The following CLDND2 variants were observed in gnomAD, a reference collection of about 807,000 sequenced individuals.
The protein encoded by CLDND2 is claudin domain-containing protein 2.
A neutral mutation model predicts 17.7 loss-of-function variants in CLDND2; 18 were observed. The ratio of observed to expected loss-of-function variants is 1.02; its 90% CI spans 0.70 to 1.51. CLDND2 has a LOEUF of 1.51. CLDND2 is among the 40% of genes most tolerant of loss of function. CLDND2 has a pLI of 0.00. For synonymous variants in CLDND2, 113 were observed against 93.0 expected, an observed-to-expected ratio of 1.22 and a Z score of -1.24; for missense variants, 233 against 219.6, an observed-to-expected ratio of 1.06 and a Z score of -0.39.
In CLDND2 at chr19:51,367,866, G is replaced by A. The variant is rs768649372; in HGVS notation, c.310+20C>T. 6.2e-6 allele frequency: 10 copies of A among 1,606,620 alleles called. No individual in the cohort carries two copies. The highest frequency in any genetic ancestry group is 8.5e-6 in the Non-Finnish European group (10 of 1,178,972). On this transcript the variant is annotated intron_variant, in intron 2 of 3. Coordinates refer to ENST00000291715, the MANE Select transcript of CLDND2 (RefSeq NM_152353.3). This position sits in a 1 kb window ranked among gnomAD's most constrained non-coding sequence, Gnocchi z 7.4. ...AGGGCCCGCCCCTGCCTGCCCGCCTGGGGCGGTCTGCAGTCTCACCGCCGA... is the reference window on the plus strand; with the variant it reads ...AGGGCCCGCCCCTGCCTGCCCGCCTAGGGCGGTCTGCAGTCTCACCGCCGA...
downstream of CLDND2, chr19:51,367,074 C>A: frequency 6.6e-7 from 1 of 1,517,554 alleles, no homozygotes. The surrounding 1 kb of genome is among the most constrained non-coding windows in gnomAD (Gnocchi z 7.4). Flanking sequence ...CCACGACCCG[C>A]AGAAAAGCAC....
chr19:51,367,392 G>C lies in CLDND2; in HGVS notation c.430+65C>G, dbSNP rs1986439991. 2 of 1,500,376 alleles carry C rather than the reference G, an allele frequency of 1.3e-6. No individual in the cohort carries two copies. Among genetic ancestry groups the C allele is most frequent in the Non-Finnish European group, 1.8e-6 (2 of 1,096,204 alleles). 92.9% of individuals were successfully genotyped at this position (1,500,376 alleles called of 1,614,324 possible). On this transcript the variant is annotated intron_variant, in intron 3 of 3. Coordinates refer to ENST00000291715, the MANE Select transcript of CLDND2 (RefSeq NM_152353.3). The surrounding 1 kb of genome is among the most constrained non-coding windows in gnomAD (Gnocchi z 7.4). ...CCGGGGTTTCCTGGGAGGGCAGCTG[G>C]GGAGCCTCTGGGGTGAGGGTCTTCT...
Position 51,367,920 on chromosome 19 carries a change from C to T in CLDND2, c.276G>A (p.Arg92=). 1 of 1,612,784 alleles carries T rather than the reference C, an allele frequency of 6.2e-7. No homozygotes were observed. Among genetic ancestry groups the T allele is most frequent in the Non-Finnish European group, 8.5e-7 (1 of 1,179,778 alleles). ...RIRCDEGESL[R]GQTTSAFLFL... ...AGAGGAAGGCGCTCGTGGTCTGGCC[C>T]CGCAGCGACTCGCCCTCGTCGCACC... The change falls in exon 2 of 4, where the codon CGG becomes CGA. Residue 92 remains arginine (R), a synonymous_variant. Transcript: ENST00000291715. The surrounding 1 kb of genome is among the most constrained non-coding windows in gnomAD (Gnocchi z 7.4).
In CLDND2 at chr19:51,367,456, C is replaced by T. The variant is rs557365500; in HGVS notation, c.430+1G>A. ...CACCCTCTTCCCGCTGTCCAGTTTA[C>T]CCGCGAGAATTGAGAAGGGTAAGGC... is the stretch of plus-strand genomic sequence containing the variant. On this transcript the variant is annotated splice_donor_variant, in intron 3 of 3. Coordinates refer to ENST00000291715, the MANE Select transcript of CLDND2 (RefSeq NM_152353.3). LOFTEE classifies it high-confidence loss of function. This position sits in a 1 kb window ranked among gnomAD's most constrained non-coding sequence, Gnocchi z 7.4. The T allele has an allele frequency of 5.6e-6, 9 of 1,596,476 alleles. No individual in the cohort carries two copies. The highest frequency in any genetic ancestry group is 7.7e-6 in the Non-Finnish European group (9 of 1,170,880).
Position 51,367,244 on chromosome 19 carries a change from GAGGA to G in CLDND2, c.431-33_431-30del. 1 of 1,612,340 alleles carries G rather than the reference GAGGA, an allele frequency of 6.2e-7. No individual in the cohort carries two copies. The highest frequency in any genetic ancestry group is 8.5e-7 in the Non-Finnish European group (1 of 1,178,626). ...GGGGGACGGGGGTGCGGAGCAGGGA[GAGGA>G]AGGTGGGCCCTGGGGCGGATGGCCG... On this transcript the variant is annotated intron_variant, in intron 3 of 3. Coordinates refer to ENST00000291715, the MANE Select transcript of CLDND2 (RefSeq NM_152353.3). This position sits in a 1 kb window ranked among gnomAD's most constrained non-coding sequence, Gnocchi z 7.4.
intron 1 of CLDND2, 170 bp downstream of exon 1, chr19:51,368,239 G>A: frequency 1.1e-6 from 1 of 949,892 alleles, no homozygotes; most frequent in South Asian, 1.6e-5. Flanking sequence ...GGGGGTCGGG[G>A]ACAAGCCCAC....
chr19:51,367,127 C>A lies in CLDND2; in HGVS notation c.*15G>T, dbSNP rs761078378. The stretch of plus-strand genomic sequence containing the variant: ...AAAAAAGCCGTTCCTTTATTCTGCC[C>A]CAGGCAGGCTGCAGTCACAGACACA... On this transcript the variant is annotated 3_prime_UTR_variant, in exon 4 of 4. Transcript: ENST00000291715. This position sits in a 1 kb window ranked among gnomAD's most constrained non-coding sequence, Gnocchi z 7.4. 5 of 1,613,798 alleles carry A rather than the reference C, an allele frequency of 3.1e-6. No individual in the cohort carries two copies. Among genetic ancestry groups the A allele is most frequent in the South Asian group, 1.1e-5 (1 of 91,060 alleles).
intron 1 of CLDND2, 38 bp downstream of exon 1, chr19:51,368,371 T>A (rs375764313): frequency 6.3e-7 from 1 of 1,580,804 alleles, no homozygotes. Flanking sequence ...CCTGGGGGTC[T>A]GAAATGCCCT....
In CLDND2 at chr19:51,367,282, C is replaced by G; in HGVS notation, c.431-67G>C. The G allele has an allele frequency of 6.4e-7, 1 of 1,553,558 alleles. No individual in the cohort carries two copies. Among genetic ancestry groups the G allele is most frequent in the Non-Finnish European group, 8.9e-7 (1 of 1,127,744 alleles). On this transcript the variant is annotated intron_variant, in intron 3 of 3. Transcript: ENST00000291715. The surrounding 1 kb of genome is among the most constrained non-coding windows in gnomAD (Gnocchi z 7.4). ...CCTGGGGCGGATGGCCGGGAGGGCC[C>G]CGGGGACTGGGGTTTGGGGCTCCAA...
chr19:51,367,647 A>G lies in CLDND2; in HGVS notation c.311-71T>C. The G allele has an allele frequency of 9.7e-6, 15 of 1,544,254 alleles. No homozygotes were observed. Among genetic ancestry groups the G allele is most frequent in the Non-Finnish European group, 1.2e-5 (14 of 1,144,628 alleles). ...GGCTGCACCCAGGCCACGCCCCTTC[A>G]GACCCGCCCCCTTCTATCAGACCAC... On this transcript the variant is annotated intron_variant, in intron 2 of 3. Coordinates refer to ENST00000291715, the MANE Select transcript of CLDND2 (RefSeq NM_152353.3). The surrounding 1 kb of genome is among the most constrained non-coding windows in gnomAD (Gnocchi z 7.4).
At position 51,367,861 on chromosome 19, in the gene CLDND2, C is replaced by G; in HGVS notation, c.310+25G>C. The G allele has an allele frequency of 2.5e-6, 4 of 1,605,398 alleles. No homozygotes were observed. The highest frequency in any genetic ancestry group is 3.4e-6 in the Non-Finnish European group (4 of 1,178,592). ...CACCCAGGGCCCGCCCCTGCCTGCC[C>G]GCCTGGGGCGGTCTGCAGTCTCACC... On this transcript the variant is annotated intron_variant, in intron 2 of 3. Coordinates refer to ENST00000291715, the MANE Select transcript of CLDND2 (RefSeq NM_152353.3). The surrounding 1 kb of genome is among the most constrained non-coding windows in gnomAD (Gnocchi z 7.4).
In CLDND2 at chr19:51,367,564, A is replaced by T. The variant is rs764916263; in HGVS notation, c.323T>A (p.Leu108Gln). 6.2e-7 allele frequency: 1 copy of T among 1,611,416 alleles called. No individual in the cohort carries two copies. The highest frequency in any genetic ancestry group is 8.5e-7 in the Non-Finnish European group (1 of 1,178,814). The change falls in exon 3 of 4, where the codon CTG becomes CAG. Residue 108 changes from leucine to glutamine, a missense_variant. Physicochemically the swap from Leu to Gln is moderately radical, Grantham distance 113 (BLOSUM62 -2). Transcript: ENST00000291715. The surrounding 1 kb of genome is among the most constrained non-coding windows in gnomAD (Gnocchi z 7.4). ...AFLFLGGLLLLTALIGYTVKN... is the reference protein window; with the variant it reads ...AFLFLGGLLLQTALIGYTVKN... ...CACGGTGTAGCCTATCAAGGCGGTC[A>T]GCAGCAGCAGTCCTGGGCCCCGCCC...
At position 51,367,162 on chromosome 19, in the gene CLDND2, C is replaced by G; in HGVS notation, c.484G>C (p.Gly162Arg). Residue 162 changes from glycine (G) to arginine (R), a missense_variant, in exon 4 of 4, where the codon GGA becomes CGA. Gly to Arg is a moderately radical substitution (Grantham distance 125, BLOSUM62 -2). Transcript: ENST00000291715. This position sits in a 1 kb window ranked among gnomAD's most constrained non-coding sequence, Gnocchi z 7.4. ...MIMQSTDAIS[G>R]FPVCL is the part of the protein sequence containing the mutation. The stretch of plus-strand genomic sequence containing the variant: ...TGCAGTCACAGACACACGGGGAATC[C>G]ACTGATGGCGTCGGTGCTCTGCATG... 1.9e-6 allele frequency: 3 copies of G among 1,614,240 alleles called. No homozygotes were observed. In the Middle Eastern group the frequency reaches 4.9e-4, roughly 266 times the overall value.
At position 51,367,960 on chromosome 19, in the gene CLDND2, A is replaced by G. The variant is rs763254992; in HGVS notation, c.236T>C (p.Met79Thr). The G allele has an allele frequency of 1.9e-6, 3 of 1,612,858 alleles. No homozygotes were observed. The highest frequency in any genetic ancestry group is 3.3e-5 in the Admixed American group (2 of 59,942). ...CTCGTCGCACCGAATCCGCAGTCCCATCACCATGCCCACCACGCCGACACC... is the reference window on the plus strand; with the variant it reads ...CTCGTCGCACCGAATCCGCAGTCCCGTCACCATGCCCACCACGCCGACACC... ...AVGVGVVGMVMGLRIRCDEGE... is the reference protein window; with the variant it reads ...AVGVGVVGMVTGLRIRCDEGE... Residue 79 changes from methionine (M) to threonine (T), a missense_variant, in exon 2 of 4, where the codon ATG becomes ACG. Coordinates refer to ENST00000291715, the MANE Select transcript of CLDND2 (RefSeq NM_152353.3). The surrounding 1 kb of genome is among the most constrained non-coding windows in gnomAD (Gnocchi z 7.4).
At position 51,367,376 on chromosome 19, in the gene CLDND2, C is replaced by T. The variant is rs1374504898; in HGVS notation, c.430+81G>A. ...AGTCCCCGAGAGGTCCCCGGGGTTT[C>T]CTGGGAGGGCAGCTGGGGAGCCTCT... is the stretch of plus-strand genomic sequence containing the variant. On this transcript the variant is annotated intron_variant, in intron 3 of 3. Coordinates refer to ENST00000291715, the MANE Select transcript of CLDND2 (RefSeq NM_152353.3). This position sits in a 1 kb window ranked among gnomAD's most constrained non-coding sequence, Gnocchi z 7.4. The T allele has an allele frequency of 1.4e-6, 2 of 1,454,546 alleles. No individual in the cohort carries two copies. The highest frequency in any genetic ancestry group is 1.9e-6 in the Non-Finnish European group (2 of 1,056,938). 90.1% of individuals were successfully genotyped at this position (1,454,546 alleles called of 1,614,324 possible).
At position 51,367,826 on chromosome 19, in the gene CLDND2, G is replaced by A. The variant is rs1986477810; in HGVS notation, c.310+60C>T. The stretch of plus-strand genomic sequence containing the variant: ...CTCAAGCCCCTCCCCTGGCGACCAG[G>A]CCCCTCCATCACCCAGGGCCCGCCC... On this transcript the variant is annotated intron_variant, in intron 2 of 3. Transcript: ENST00000291715. The surrounding 1 kb of genome is among the most constrained non-coding windows in gnomAD (Gnocchi z 7.4). 3.8e-6 allele frequency: 6 copies of A among 1,580,878 alleles called. No homozygotes were observed. The highest frequency in any genetic ancestry group is 5.1e-6 in the Non-Finnish European group (6 of 1,168,648).
At position 51,367,847 on chromosome 19, in the gene CLDND2, C is replaced by A; in HGVS notation, c.310+39G>T. On this transcript the variant is annotated intron_variant, in intron 2 of 3. Transcript: ENST00000291715. The surrounding 1 kb of genome is among the most constrained non-coding windows in gnomAD (Gnocchi z 7.4). ...CCAGGCCCCTCCATCACCCAGGGCC[C>A]GCCCCTGCCTGCCCGCCTGGGGCGG... 6.3e-7 allele frequency: 1 copy of A among 1,599,606 alleles called. No homozygotes were observed.
chr19:51,368,232 G>A (rs1986514728), intron 1 of CLDND2, 177 bp downstream of exon 1: 2 of 911,776 alleles, frequency 2.2e-6, no homozygotes, highest in East Asian at 2.6e-5. Context: ...ACGGGGAGGG[G>A]GTCGGGGACA....
rs1392768297 is a variant in CLDND2, at chr19:51,367,490, C to T, written c.397G>A (p.Gly133Arg). The T allele has an allele frequency of 3.7e-6, 6 of 1,605,926 alleles. No homozygotes were observed. The highest frequency in any genetic ancestry group is 5.1e-6 in the Non-Finnish European group (6 of 1,175,812). ...NVFFSWSYFS[G>R]WLALPFSILA... The stretch of plus-strand genomic sequence containing the variant: ...ATTGAGAAGGGTAAGGCCAGCCACC[C>T]AGAAAAATAGGACCAAGAGAAGAAG... The change falls in exon 3 of 4, where the codon GGG becomes AGG. Residue 133 changes from glycine to arginine, a missense_variant. Gly to Arg is a moderately radical substitution (Grantham distance 125). Coordinates refer to ENST00000291715, the MANE Select transcript of CLDND2 (RefSeq NM_152353.3). The surrounding 1 kb of genome is among the most constrained non-coding windows in gnomAD (Gnocchi z 7.4).
Sources: gnomAD v4.1 joint callset for allele counts on GRCh38, gnomAD v4.1.1 for gene constraint, Gnocchi (gnomAD v3.1) non-coding constraint, MANE v1.5 for transcripts, NCBI Gene and HGNC (gene_info 2026-07-23, HGNC 2026-07-21) for gene names.